Variants in WWOX observed in about 807,000 individuals in gnomAD.
WWOX encodes WW domain containing oxidoreductase, also known as WW domain-containing oxidoreductase.
Under a neutral mutation model 46.2 loss-of-function variants are expected in WWOX, and 69 were observed. The observed-to-expected ratio is 1.49, with a 90% CI of 1.23 to 1.82. WWOX has a LOEUF of 1.82. WWOX is among the 40% of genes most tolerant of loss of function. WWOX has a pLI of 0.00. For missense variants in WWOX, 919 were observed against 542.6 expected, an observed-to-expected ratio of 1.69 and a Z score of -6.89; for synonymous variants, 359 against 202.6, an observed-to-expected ratio of 1.77 and a Z score of -6.56.
intron 8 of WWOX, among the ~76,000 whole-genome samples, chr16:78,805,516 A>G (rs193215229): frequency 1.8e-4 from 28 of 152,012 alleles, no homozygotes; most frequent in South Asian, 4.2e-4. Context: ...ATTTCCTGAC[A>G]TCGTGATCCG....
In WWOX at chr16:78,147,845, C is replaced by G. The variant is rs181382192; in HGVS notation, c.410-16338C>G. Among the ~76,000 whole-genome samples the G allele has an allele frequency of 1.4e-4, 21 of 151,170 alleles. No homozygotes were observed. In the East Asian group the frequency reaches 3.7e-3, roughly 27 times the overall value. ...TAATTTTTCTTTTTTAAACAATTCC[C>G]TCCTAAGCATTTCTTAATTGACAGG... On this transcript the variant is annotated intron_variant, in intron 4 of 8. Transcript: ENST00000566780.
intron 8 of WWOX, among the ~76,000 whole-genome samples, chr16:78,769,691 G>A (rs2050017260): frequency 6.6e-6 from 1 of 151,144 alleles, no homozygotes; most frequent in Admixed American, 6.6e-5. Context: ...CTACAACAGG[G>A]TTTTGGCTAC....
intron 8 of WWOX, among the ~76,000 whole-genome samples, chr16:78,717,650 G>C (rs2048595079): frequency 6.6e-6 from 1 of 152,152 alleles, no homozygotes; most frequent in Admixed American, 6.5e-5. Context: ...AGACAGAATG[G>C]AATGAAAGAG....
intron 8 of WWOX, among the ~76,000 whole-genome samples, chr16:78,572,472 TGGTCTCAGG>T (rs1309863398): frequency 6.6e-6 from 1 of 151,754 alleles, no homozygotes; most frequent in Non-Finnish European, 1.5e-5. Flanking sequence ...CATGTGTCTG[TGGTCTCAGG>T]GGTCTCAGGT....
intron 8 of WWOX, among the ~76,000 whole-genome samples, chr16:78,460,459 T>G (rs2738652): frequency 6.6e-6 from 1 of 151,976 alleles, no homozygotes; most frequent in Non-Finnish European, 1.5e-5. Flanking sequence ...AGTCTACTCT[T>G]TGTCCTTTTC....
At chr16:78,140,942 G>A (rs1408897731) in intron 4 of WWOX, among the ~76,000 whole-genome samples, 1 of 152,066 alleles carries the variant, frequency 6.6e-6, no homozygotes, top group African/African-American at 2.4e-5. Flanking sequence ...ATTTCCTGAG[G>A]GTCTAGTATG....
At chr16:78,336,505 C>CAA (rs386385163) in intron 5 of WWOX, among the ~76,000 whole-genome samples, 22,317 of 74,042 alleles carry the variant, frequency 0.3, 3,455 homozygotes, top group East Asian at 0.52. Context: ...GACTATGTCT[C>CAA]AAAAAAAAAA....
chr16:79,097,510 G>T (rs537170040), intron 8 of WWOX, among the ~76,000 whole-genome samples: 1 of 152,090 alleles, frequency 6.6e-6, no homozygotes, highest in African/African-American at 2.4e-5. Flanking sequence ...GCACCGCAGC[G>T]CTATCATATG....
At chr16:78,172,494 C>T (rs1386451026) in intron 5 of WWOX, among the ~76,000 whole-genome samples, 1 of 152,062 alleles carries the variant, frequency 6.6e-6, no homozygotes, top group Non-Finnish European at 1.5e-5. Context: ...TACTTATCCT[C>T]TAAGTTTTCC....
intron 8 of WWOX, among the ~76,000 whole-genome samples, chr16:79,125,146 C>G (rs2150683855): frequency 6.6e-6 from 1 of 151,844 alleles, no homozygotes; most frequent in Middle Eastern, 3.4e-3. Flanking sequence ...GAAAAGAAAT[C>G]CTGGAATTCA....
chr16:78,147,831 T>G (rs2034261044), intron 4 of WWOX, among the ~76,000 whole-genome samples: 1 of 151,852 alleles, frequency 6.6e-6, no homozygotes, highest in South Asian at 2.1e-4. Flanking sequence ...AATTTTTCTT[T>G]TTTAAACAAT....
At chr16:78,567,570 AAAAAAG>A (rs2044603391) in intron 8 of WWOX, among the ~76,000 whole-genome samples, 1 of 150,906 alleles carries the variant, frequency 6.6e-6, no homozygotes, top group Non-Finnish European at 1.5e-5. Flanking sequence ...AAAAAAAAAA[AAAAAAG>A]AAGTGAGTTT....
At chr16:78,119,033 T>C (rs2032958925) in intron 4 of WWOX, 1 of 152,196 alleles carries the variant, frequency 6.6e-6, no homozygotes, top group Non-Finnish European at 1.5e-5. Context: ...CATCTCAGTA[T>C]CCAGGGGGAA....
At chr16:79,161,074 A>G (rs927674553) in intron 8 of WWOX, among the ~76,000 whole-genome samples, 2 of 152,348 alleles carry the variant, frequency 1.3e-5, no homozygotes, top group African/African-American at 4.8e-5. Flanking sequence ...ACTTTTCCGC[A>G]CAAACACCTC....
Position 79,124,155 on chromosome 16 carries a change from G to T in WWOX, c.1057-87453G>T, listed in dbSNP as rs1003473199. ...ATAAACTTCGGATGGTGCCCCAGAG[G>T]GTGAAGCTTCCTGTTGTCAATTCTG... On this transcript the variant is annotated intron_variant, in intron 8 of 8. Transcript: ENST00000566780. 3.9e-5 allele frequency among the ~76,000 whole-genome samples: 6 copies of T among 152,082 alleles called. No homozygotes were observed. The East Asian group carries it at 1.2e-3, about 29-fold the overall frequency.
rs543384245 is a variant in WWOX, at chr16:78,725,397, G to C, written c.1056+292645G>C. On this transcript the variant is annotated intron_variant, in intron 8 of 8. Transcript: ENST00000566780. Reference sequence around the variant, plus strand: ...AGTTTCACTCTTGTTGCCTAGGCTGGAGTGCAGTGGTGCAATCTGGGCTCC... The same window carrying C: ...AGTTTCACTCTTGTTGCCTAGGCTGCAGTGCAGTGGTGCAATCTGGGCTCC... Among the ~76,000 whole-genome samples, 26 of 129,426 alleles carry C rather than the reference G, an allele frequency of 2.0e-4. No individual in the cohort carries two copies. In the East Asian group the frequency reaches 6.0e-3, roughly 30 times the overall value. The allele number at this position is 129,426 out of a possible 152,430, so 84.9% of individuals were successfully genotyped here.
At chr16:78,396,050 C>T in intron 6 of WWOX, among the ~76,000 whole-genome samples, 1 of 152,156 alleles carries the variant, frequency 6.6e-6, no homozygotes, top group Non-Finnish European at 1.5e-5. Flanking sequence ...TCTTTCTCAC[C>T]TCCTTAAAAA....
rs541065510 is a variant in WWOX at position 79,146,765 on chromosome 16, C to G, written c.1057-64843C>G. 1.1e-4 allele frequency among the ~76,000 whole-genome samples: 16 copies of G among 152,186 alleles called. No individual in the cohort carries two copies. In the East Asian group the frequency reaches 1.4e-3, roughly 13 times the overall value. ...TCCTCGCCTTCAAGGAGCTTACATT[C>G]TAGGAAGCGAAGACTACTGAACAAG... On this transcript the variant is annotated intron_variant, in intron 8 of 8. Transcript: ENST00000566780.
At chr16:78,464,764 A>G (rs1383564323) in intron 8 of WWOX, among the ~76,000 whole-genome samples, 1 of 152,134 alleles carries the variant, frequency 6.6e-6, no homozygotes, top group African/African-American at 2.4e-5. Context: ...TCCTTTTTGG[A>G]GAAATGGCCA....
Sources: gnomAD v4.1 joint callset for allele counts (sites outside exome capture counted in the v4.1 genomes callset) on GRCh38, gnomAD v4.1.1 for gene constraint, MANE v1.5 for transcripts, NCBI Gene and HGNC (gene_info 2026-07-23, HGNC 2026-07-21) for gene names.